Variants in UBE3D observed in about 807,000 individuals in gnomAD.
The protein encoded by UBE3D is ubiquitin protein ligase E3D.
In UBE3D, 48 loss-of-function variants were observed where a neutral mutation model predicts 49.6. The observed-to-expected ratio is 0.97, with a 90% CI of 0.77 to 1.23. The LOEUF (loss-of-function observed/expected upper bound fraction) is 1.23, where lower values mean the gene tolerates loss of function less well. UBE3D is among the 50% of genes most tolerant of loss of function. UBE3D has a pLI of 0.00. For missense variants in UBE3D, 452 were observed against 468.4 expected, an observed-to-expected ratio of 0.96 and a Z score of 0.32; for synonymous variants, 189 against 174.2, an observed-to-expected ratio of 1.08 and a Z score of -0.67.
intron 9 of UBE3D, among the ~76,000 whole-genome samples, chr6:82,902,751 C>CAATTGTATAGA (rs1771829543): frequency 1.3e-5 from 2 of 152,164 alleles, no homozygotes; most frequent in African/African-American, 2.4e-5. Flanking sequence ...GAACTCAGTA[C>CAATTGTATAGA]ACCTATCAAC....
At chr6:82,934,777 A>G (rs549155954) in intron 9 of UBE3D, among the ~76,000 whole-genome samples, 1 of 150,550 alleles carries the variant, frequency 6.6e-6, no homozygotes, top group South Asian at 2.1e-4. Context: ...AAAATGTGAT[A>G]CCTTGGAAAT....
intron 9 of UBE3D, among the ~76,000 whole-genome samples, chr6:82,917,469 C>G (rs762324129): frequency 6.6e-6 from 1 of 152,130 alleles, no homozygotes; most frequent in Non-Finnish European, 1.5e-5. Context: ...GTTAAGCTGT[C>G]AGAAGGTAGC....
chr6:83,035,340 T>C (rs1333484285), intron 5 of UBE3D, among the ~76,000 whole-genome samples: 2 of 152,222 alleles, frequency 1.3e-5, no homozygotes, highest in Admixed American at 1.3e-4. Context: ...CATCTCTTCC[T>C]AGATTGAATC....
At chr6:82,898,782 A>G (rs1197651811) in intron 9 of UBE3D, among the ~76,000 whole-genome samples, 1 of 152,160 alleles carries the variant, frequency 6.6e-6, no homozygotes, top group Non-Finnish European at 1.5e-5. Flanking sequence ...CCTATGTAAC[A>G]AAACTGCACA....
chr6:82,891,812 G>T (rs1770985188), downstream of UBE3D, among the ~76,000 whole-genome samples: 1 of 152,162 alleles, frequency 6.6e-6, no homozygotes, highest in African/African-American at 2.4e-5. Context: ...GATCACCTGA[G>T]ATCAGGAGTT....
chr6:82,898,139 A>T (rs998382289), intron 9 of UBE3D, among the ~76,000 whole-genome samples: 1 of 152,266 alleles, frequency 6.6e-6, no homozygotes, highest in African/African-American at 2.4e-5. Context: ...ATACCATCAA[A>T]TGCCAGTTAG....
At chr6:83,008,571 C>A (rs1432743039) in intron 8 of UBE3D, among the ~76,000 whole-genome samples, 1 of 152,090 alleles carries the variant, frequency 6.6e-6, no homozygotes, top group Admixed American at 6.6e-5. Context: ...AAAGAAGGAA[C>A]ACTCTAAAAA....
chr6:83,029,970 G>T lies in UBE3D; in HGVS notation c.668-5932C>A, dbSNP rs1024925292. 2.6e-5 allele frequency among the ~76,000 whole-genome samples: 4 copies of T among 152,164 alleles called. 1 individual carries two copies. Among genetic ancestry groups the T allele is most frequent in the African/African-American group, 9.7e-5 (4 of 41,440 alleles). On this transcript the variant is annotated intron_variant, in intron 5 of 9. Transcript: ENST00000369747. The stretch of plus-strand genomic sequence containing the variant: ...AAAATTACCTTCTGCTACCCAAGTT[G>T]TATGTGGATTGAGGAATGCAATCAA...
At chr6:82,951,504 A>G (rs1775794866) in intron 9 of UBE3D, among the ~76,000 whole-genome samples, 1 of 152,098 alleles carries the variant, frequency 6.6e-6, no homozygotes, top group African/African-American at 2.4e-5. Context: ...AGTTGAGTAT[A>G]TTTTCCAAGG....
chr6:83,002,400 G>A (rs968047932), intron 8 of UBE3D, among the ~76,000 whole-genome samples: 3 of 151,996 alleles, frequency 2.0e-5, no homozygotes, highest in Non-Finnish European at 4.4e-5. Context: ...AAAAGGGCTA[G>A]TGGGCCAAGC....
intron 9 of UBE3D, 109 bp downstream of exon 9, chr6:82,957,203 T>C (rs1234254976): frequency 1.7e-6 from 2 of 1,155,354 alleles, no homozygotes; most frequent in Non-Finnish European, 2.5e-6. Flanking sequence ...TTGTTATGAT[T>C]TGAAACTAGG....
At chr6:82,989,449 C>G (rs1471761898) in intron 8 of UBE3D, among the ~76,000 whole-genome samples, 1 of 151,958 alleles carries the variant, frequency 6.6e-6, no homozygotes, top group African/African-American at 2.4e-5. Context: ...GAGTGCCAAA[C>G]TCATCTCAAT....
intron 9 of UBE3D, among the ~76,000 whole-genome samples, chr6:82,913,932 G>C (rs1428878035): frequency 9.2e-5 from 14 of 152,136 alleles, no homozygotes; most frequent in African/African-American, 3.4e-4. Flanking sequence ...GCATATGGTT[G>C]GTCATAGAGA....
chr6:82,945,802 A>T (rs540937621), intron 9 of UBE3D, among the ~76,000 whole-genome samples: 2 of 152,200 alleles, frequency 1.3e-5, no homozygotes, highest in Non-Finnish European at 2.9e-5. Flanking sequence ...TTATCAGATA[A>T]ATTTAACAAA....
At chr6:82,982,053 T>C (rs1202695079) in intron 8 of UBE3D, among the ~76,000 whole-genome samples, 1 of 152,156 alleles carries the variant, frequency 6.6e-6, no homozygotes, top group Non-Finnish European at 1.5e-5. Flanking sequence ...TTAACCTAAA[T>C]TTTTAAAAAA....
rs7742437 is a variant in UBE3D at position 83,033,814 on chromosome 6, C to T, written c.667+4602G>A. ...TATAGCAATGGAGAAGGGACTAATA[C>T]AATCACTTTGCTTCCAAAATATCCT... On this transcript the variant is annotated intron_variant, in intron 5 of 9. Coordinates refer to ENST00000369747, the MANE Select transcript of UBE3D (RefSeq NM_198920.3). Among the ~76,000 whole-genome samples, 383 of 152,292 alleles carry T rather than the reference C, an allele frequency of 2.5e-3. 1 individual carries two copies. Among genetic ancestry groups the T allele is most frequent in the Non-Finnish European group, 3.8e-3 (258 of 68,016 alleles).
chr6:82,948,316 A>G (rs1284774468), intron 9 of UBE3D, among the ~76,000 whole-genome samples: 1 of 151,988 alleles, frequency 6.6e-6, no homozygotes, highest in Non-Finnish European at 1.5e-5. Flanking sequence ...ACCATGTACC[A>G]AAACTGAACC....
At chr6:82,996,611 T>C (rs1465948742) in intron 8 of UBE3D, among the ~76,000 whole-genome samples, 2 of 152,118 alleles carry the variant, frequency 1.3e-5, no homozygotes, top group Non-Finnish European at 2.9e-5. Flanking sequence ...TGGAAAAACC[T>C]GACCAACACT....
chr6:82,992,605 T>C (rs1485172490), intron 8 of UBE3D, among the ~76,000 whole-genome samples: 4 of 152,298 alleles, frequency 2.6e-5, no homozygotes, highest in East Asian at 1.9e-4. Context: ...AAGTAGATGA[T>C]AGCTTTGGAA....
Sources: allele counts gnomAD v4.1 joint callset (sites outside exome capture counted in the v4.1 genomes callset), GRCh38; gene constraint gnomAD v4.1.1; transcripts MANE v1.5; gene names NCBI Gene and HGNC (gene_info 2026-07-23, HGNC 2026-07-21).